CADM1: variants seen among roughly 807,000 people sequenced by gnomAD.
CADM1 encodes the protein cell adhesion molecule 1.
In CADM1, 15 loss-of-function variants were observed where a neutral mutation model predicts 53.1. That is an observed-to-expected ratio of 0.28 (90% CI 0.19 to 0.44). The LOEUF (loss-of-function observed/expected upper bound fraction) is 0.44. Among genes scored for constraint, CADM1 ranks in the 20% least tolerant of loss-of-function variants. CADM1 has a pLI of 1.00. For missense variants in CADM1, 434 were observed against 611.3 expected, an observed-to-expected ratio of 0.71 and a Z score of 3.06; for synonymous variants, 281 against 243.0, an observed-to-expected ratio of 1.16 and a Z score of -1.45.
intron 1 of CADM1, among the ~76,000 whole-genome samples, chr11:115,415,674 A>T (rs946464990): frequency 6.6e-6 from 1 of 151,852 alleles, no homozygotes; most frequent in Non-Finnish European, 1.5e-5. Context: ...AGTCTCTATT[A>T]AAAATACAAC....
chr11:115,312,372 C>A (rs1944554414), intron 1 of CADM1, among the ~76,000 whole-genome samples: 1 of 152,178 alleles, frequency 6.6e-6, no homozygotes, highest in South Asian at 2.1e-4. Flanking sequence ...CTCTAGCAAG[C>A]AATTCTACAC....
intron 1 of CADM1, among the ~76,000 whole-genome samples, chr11:115,405,843 A>G (rs988907091): frequency 6.6e-6 from 1 of 152,208 alleles, no homozygotes; most frequent in Non-Finnish European, 1.5e-5. Flanking sequence ...GGGATTGATA[A>G]ACAGTAAATT....
chr11:115,173,416 T>C lies in CADM1; in HGVS notation c.*3058A>G, dbSNP rs1364793284. The C allele has an allele frequency of 6.6e-6, 1 of 152,226 alleles. No homozygotes were observed. Among genetic ancestry groups the C allele is most frequent in the Non-Finnish European group, 1.5e-5 (1 of 68,110 alleles). The allele number at this position is 152,226 out of a possible 1,614,324, so 9.4% of individuals were successfully genotyped here. A position where few individuals can be genotyped will look rare whatever the true frequency, so the allele number is the denominator to read the frequency against. On this transcript the variant is annotated 3_prime_UTR_variant, in exon 12 of 12. Coordinates refer to ENST00000331581, the MANE Select transcript of CADM1 (RefSeq NM_001301043.2). The stretch of plus-strand genomic sequence containing the variant: ...CACAGCACTTGGCTCACCTGTCCAC[T>C]GAGAGTGGGGAAGAGAACAAGGACA...
At chr11:115,469,035 G>A (rs991258995) in intron 1 of CADM1, among the ~76,000 whole-genome samples, 16 of 152,122 alleles carry the variant, frequency 1.1e-4, no homozygotes, top group African/African-American at 2.9e-4. Context: ...ACCTCCCACC[G>A]GGTCCCTCCC....
At chr11:115,340,272 C>T (rs979127618) in intron 1 of CADM1, 1 of 152,030 alleles carries the variant, frequency 6.6e-6, no homozygotes, top group Non-Finnish European at 1.5e-5. Context: ...AGGTTTATGG[C>T]TGTATTTTTG....
At chr11:115,245,323 C>A (rs374824395) in intron 1 of CADM1, among the ~76,000 whole-genome samples, 1 of 151,988 alleles carries the variant, frequency 6.6e-6, no homozygotes, top group East Asian at 1.9e-4. Flanking sequence ...TTCTGCTAAT[C>A]AATATAGTAA....
intron 1 of CADM1, among the ~76,000 whole-genome samples, chr11:115,393,882 T>C (rs943347323): frequency 6.6e-6 from 1 of 151,892 alleles, no homozygotes; most frequent in Non-Finnish European, 1.5e-5. Flanking sequence ...ATCAGCCAAA[T>C]ACAGAGTCAC....
intron 1 of CADM1, among the ~76,000 whole-genome samples, chr11:115,436,441 GT>G (rs1339728616): frequency 6.6e-6 from 1 of 152,066 alleles, no homozygotes; most frequent in Non-Finnish European, 1.5e-5. Flanking sequence ...ACTGGATTTT[GT>G]TTTGGGGGGA....
intron 1 of CADM1, among the ~76,000 whole-genome samples, chr11:115,475,542 A>T (rs991395278): frequency 6.6e-6 from 1 of 152,222 alleles, no homozygotes; most frequent in African/African-American, 2.4e-5. Context: ...GAATGAAGGG[A>T]TAGACTATAG....
intron 10 of CADM1, among the ~76,000 whole-genome samples, chr11:115,181,736 T>C (rs1270633099): frequency 6.6e-6 from 1 of 152,182 alleles, no homozygotes; most frequent in Non-Finnish European, 1.5e-5. Context: ...TGGAGTCATC[T>C]CAGTCCGTTC....
chr11:115,352,507 A>G (rs960735195), intron 1 of CADM1, among the ~76,000 whole-genome samples: 6 of 152,224 alleles, frequency 3.9e-5, no homozygotes, highest in Non-Finnish European at 7.3e-5. Flanking sequence ...AAAATAGAGG[A>G]AATATTTTCT....
At chr11:115,481,420 T>C (rs1949255322) in intron 1 of CADM1, among the ~76,000 whole-genome samples, 1 of 152,180 alleles carries the variant, frequency 6.6e-6, no homozygotes, top group African/African-American at 2.4e-5. Context: ...CCTTCTTCAC[T>C]CCTCTCACTA....
At chr11:115,416,387 T>G (rs1947597444) in intron 1 of CADM1, among the ~76,000 whole-genome samples, 1 of 152,184 alleles carries the variant, frequency 6.6e-6, no homozygotes, top group Admixed American at 6.5e-5. Context: ...TGAAGTGAAC[T>G]GTTCAGATTG....
At chr11:115,205,322 A>G (rs1425903580) in intron 8 of CADM1, among the ~76,000 whole-genome samples, 2 of 152,190 alleles carry the variant, frequency 1.3e-5, no homozygotes, top group African/African-American at 4.8e-5. Flanking sequence ...TACAGGAAAA[A>G]GTTTGATCCA....
intron 1 of CADM1, 98 bp from the exon 2 acceptor site, chr11:115,240,518 G>T: frequency 7.9e-7 from 1 of 1,264,614 alleles, no homozygotes; most frequent in Non-Finnish European, 1.1e-6. Context: ...ATTAGAAAAT[G>T]AACACAAGTA....
chr11:115,329,600 C>T (rs555715694), intron 1 of CADM1, among the ~76,000 whole-genome samples: 14 of 152,116 alleles, frequency 9.2e-5, no homozygotes, highest in Non-Finnish European at 5.9e-5. Context: ...GCTGGGTGCC[C>T]GTGACTCCCA....
chr11:115,433,791 A>G (rs1948115042), intron 1 of CADM1, among the ~76,000 whole-genome samples: 1 of 152,196 alleles, frequency 6.6e-6, no homozygotes, highest in African/African-American at 2.4e-5. Context: ...TACACTGTGC[A>G]AACACGTCGG....
At chr11:115,428,790 TG>T (rs1947965534) in intron 1 of CADM1, among the ~76,000 whole-genome samples, 1 of 152,090 alleles carries the variant, frequency 6.6e-6, no homozygotes, top group Non-Finnish European at 1.5e-5. Flanking sequence ...CGTGTGTGTG[TG>T]TGTGTGTACG....
intron 1 of CADM1, among the ~76,000 whole-genome samples, chr11:115,317,297 C>T (rs775281595): frequency 6.6e-6 from 1 of 152,104 alleles, no homozygotes; most frequent in Admixed American, 6.6e-5. Context: ...TACACAACAC[C>T]TGGAGATGAA....
Sources: allele counts gnomAD v4.1 joint callset (sites outside exome capture counted in the v4.1 genomes callset), GRCh38; gene constraint gnomAD v4.1.1; transcripts MANE v1.5; gene names NCBI Gene and HGNC (gene_info 2026-07-23, HGNC 2026-07-21).